XCR1: variants seen among roughly 807,000 people sequenced by gnomAD.
The protein encoded by XCR1 is X-C motif chemokine receptor 1.
For synonymous variants in XCR1, 187 were observed against 188.5 expected (o/e 0.99, Z 0.06); for missense variants, 356 against 424.2 (o/e 0.84, Z 1.41).
chr3:46,038,036 T>TG (rs201883709), intron 5 of XCR1, among the ~76,000 whole-genome samples: 6 of 149,600 alleles, frequency 4.0e-5, no homozygotes, highest in East Asian at 2.0e-4. Flanking sequence ...TTTTGTTTTT[T>TG]TTTTTTTTTG....
chr3:46,053,838 C>T (rs1575427597), intron 5 of XCR1, among the ~76,000 whole-genome samples: 1 of 152,052 alleles, frequency 6.6e-6, no homozygotes, highest in African/African-American at 2.4e-5. Context: ...CAATTCTGCC[C>T]CATGTTACCC....
upstream of XCR1, among the ~76,000 whole-genome samples, chr3:46,027,949 G>A (rs986071351): frequency 6.6e-6 from 1 of 152,172 alleles, no homozygotes; most frequent in African/African-American, 2.4e-5. Context: ...CTCAGTCCAA[G>A]CTTTCACTTC....
At position 46,057,894 on chromosome 3, in the gene XCR1, A is replaced by ATCTGTCTG. The variant is rs1387570911; in HGVS notation, c.-182-3825_-182-3824insCAGACAGA. The stretch of plus-strand genomic sequence containing the variant: ...ATCTTATCTGTCTGTCTATCTATCT[A>ATCTGTCTG]TCTATCTATCTATCTATCTATCTAT... On this transcript the variant is annotated intron_variant, in intron 4 of 5. Coordinates refer to the XCR1 transcript ENST00000683768. Among the ~76,000 whole-genome samples, 809 of 120,330 alleles carry ATCTGTCTG rather than the reference A, an allele frequency of 6.7e-3. 22 individuals carry two copies. Among genetic ancestry groups the ATCTGTCTG allele is most frequent in the African/African-American group, 0.026 (739 of 28,470 alleles). 78.9% of individuals were successfully genotyped at this position (120,330 alleles called of 152,430 possible). A position where few individuals can be genotyped will look rare whatever the true frequency, so the allele number is the denominator to read the frequency against.
At chr3:46,084,258 C>T (rs1175574319) in intron 1 of XCR1, among the ~76,000 whole-genome samples, 1 of 152,142 alleles carries the variant, frequency 6.6e-6, no homozygotes, top group Non-Finnish European at 1.5e-5. Context: ...CAAGCTGGCA[C>T]TCAGATTTGT....
intron 3 of XCR1, among the ~76,000 whole-genome samples, chr3:46,068,287 T>C (rs1032994151): frequency 2.0e-5 from 3 of 152,110 alleles, no homozygotes; most frequent in African/African-American, 7.2e-5. Context: ...TGGCTCTCAT[T>C]GGGTGCAATT....
chr3:46,025,772 A>C (rs1708276637), intron 1 of XCR1, among the ~76,000 whole-genome samples: 1 of 152,232 alleles, frequency 6.6e-6, no homozygotes, highest in Non-Finnish European at 1.5e-5. Flanking sequence ...AGTTTTACAC[A>C]AACTATAAGA....
upstream of XCR1, among the ~76,000 whole-genome samples, chr3:46,028,864 T>C (rs1245155974): frequency 1.3e-5 from 2 of 152,206 alleles, no homozygotes. Context: ...AGCTCTGAGA[T>C]TATAGACCTG....
rs1467168384 is a variant in XCR1, at chr3:46,047,940, A to G, written c.-32+5980T>C. ...GGGTAGGAACTATTGAAGGGAATCC[A>G]TTCTGTATAGTCAGCACAATTAGGG... On this transcript the variant is annotated intron_variant, in intron 5 of 5. Coordinates refer to the XCR1 transcript ENST00000683768. Among the ~76,000 whole-genome samples, 4 of 152,216 alleles carry G rather than the reference A, an allele frequency of 2.6e-5. No homozygotes were observed. The East Asian group carries it at 7.7e-4, about 29-fold the overall frequency.
Position 46,021,287 on chromosome 3 carries a change from G to A in XCR1, c.661C>T (p.His221Tyr), listed in dbSNP as rs1708139921. ...GCGAAGATGAGCTTGACCGTGCGGT[G>A]GCGCCGCTTGGAGCGTGAGCGGAAC... ...TLFRSRSKRR[H>Y]RTVKLIFAIV... Residue 221 changes from histidine (H) to tyrosine (Y), a missense_variant, in exon 2 of 2, where the codon CAC becomes TAC. His to Tyr is a moderately conservative substitution (Grantham distance 83, BLOSUM62 2). Coordinates refer to ENST00000309285, the MANE Select transcript of XCR1 (RefSeq NM_001024644.2). This position sits in a 1 kb window ranked among gnomAD's most constrained non-coding sequence, Gnocchi z 4.7. The A allele has an allele frequency of 6.2e-7, 1 of 1,614,188 alleles. No homozygotes were observed. Among genetic ancestry groups the A allele is most frequent in the Admixed American group, 1.7e-5 (1 of 60,032 alleles).
intron 5 of XCR1, among the ~76,000 whole-genome samples, chr3:46,049,987 C>T (rs996030804): frequency 2.6e-5 from 4 of 152,178 alleles, no homozygotes; most frequent in African/African-American, 9.6e-5. Context: ...TATGCCTGCC[C>T]ATAGTCACAA....
intron 5 of XCR1, among the ~76,000 whole-genome samples, chr3:46,040,380 C>T (rs2125897533): frequency 6.6e-6 from 1 of 152,220 alleles, no homozygotes; most frequent in South Asian, 2.1e-4. Flanking sequence ...TTTTTGACCT[C>T]AAACTAACTT....
At chr3:46,084,955 TG>T (rs1159424051) in intron 1 of XCR1, among the ~76,000 whole-genome samples, 12 of 150,870 alleles carry the variant, frequency 8.0e-5, no homozygotes, top group African/African-American at 2.0e-4. Context: ...AAATAAAAGT[TG>T]GATTTTTTTT....
chr3:46,046,135 C>A (rs563712558), intron 5 of XCR1, among the ~76,000 whole-genome samples: 1 of 152,118 alleles, frequency 6.6e-6, no homozygotes, highest in Admixed American at 6.5e-5. Context: ...AAATATTGCA[C>A]GTTCTCACTT....
chr3:46,069,948 C>T (rs977761318), intron 3 of XCR1, among the ~76,000 whole-genome samples: 2 of 151,248 alleles, frequency 1.3e-5, no homozygotes, highest in African/African-American at 4.8e-5. Flanking sequence ...CTATAAACTT[C>T]TCTCTTAGCA....
chr3:46,046,366 G>A (rs1391112942), intron 5 of XCR1, among the ~76,000 whole-genome samples: 1 of 152,210 alleles, frequency 6.6e-6, no homozygotes, highest in Admixed American at 6.5e-5. Context: ...TCGGTCCAGA[G>A]TAGGCTTGCA....
chr3:46,069,355 C>G (rs1175883991), intron 3 of XCR1, among the ~76,000 whole-genome samples: 1 of 151,882 alleles, frequency 6.6e-6, no homozygotes, highest in African/African-American at 2.4e-5. Flanking sequence ...AAAGACCCAC[C>G]AAATAAAAAA....
chr3:46,067,649 A>G (rs1698100575), intron 3 of XCR1, among the ~76,000 whole-genome samples: 1 of 152,208 alleles, frequency 6.6e-6, no homozygotes, highest in Non-Finnish European at 1.5e-5. Context: ...TTCCTGCCCC[A>G]GGGAACACAT....
chr3:46,047,254 G>A lies in XCR1; in HGVS notation c.-32+6666C>T, dbSNP rs1225221438. Reference sequence around the variant, plus strand: ...ATCAGGCCCAAGGCTCTACAGACACGATGAGTAAGCTAAGTTAGAAGAAGT... The same window carrying A: ...ATCAGGCCCAAGGCTCTACAGACACAATGAGTAAGCTAAGTTAGAAGAAGT... On this transcript the variant is annotated intron_variant, in intron 5 of 5. Transcript: ENST00000683768. Among the ~76,000 whole-genome samples, 3 of 152,294 alleles carry A rather than the reference G, an allele frequency of 2.0e-5. No homozygotes were observed. The East Asian group carries it at 5.8e-4, about 29-fold the overall frequency.
chr3:46,021,187 T>C lies in XCR1; in HGVS notation c.761A>G (p.Gln254Arg). 1 of 1,614,236 alleles carries C rather than the reference T, an allele frequency of 6.2e-7. No individual in the cohort carries two copies. Residue 254 changes from glutamine to arginine, a missense_variant, in exon 2 of 2, where the codon CAG (glutamine) becomes CGG (arginine). Coordinates refer to ENST00000309285, the MANE Select transcript of XCR1 (RefSeq NM_001024644.2). This position sits in a 1 kb window ranked among gnomAD's most constrained non-coding sequence, Gnocchi z 4.7. ...TLFLQTLFRT[Q>R]IIRSCEAKQQ... is the part of the protein sequence containing the mutation. ...TTTGGCCTCGCAGCTCCGGATGATC[T>C]GGGTCCGAAACAGCGTCTGCAGAAA...
Sources: gnomAD v4.1 joint callset for allele counts (sites outside exome capture counted in the v4.1 genomes callset) on GRCh38, gnomAD v4.1.1 for gene constraint, Gnocchi (gnomAD v3.1) non-coding constraint, MANE v1.5 for transcripts, NCBI Gene and HGNC (gene_info 2026-07-23, HGNC 2026-07-21) for gene names.